STIM1: variants seen among roughly 807,000 people sequenced by gnomAD.
STIM1 encodes stromal interaction molecule 1.
A neutral mutation model predicts 74.7 loss-of-function variants in STIM1; 25 were observed. That is an observed-to-expected ratio of 0.33 (90% CI 0.24 to 0.47). The LOEUF (loss-of-function observed/expected upper bound fraction) is 0.47, where lower values mean the gene tolerates loss of function less well. Ranked by LOEUF, STIM1 falls within the 20% of genes least tolerant of loss-of-function variation. The pLI, the probability that STIM1 is intolerant of heterozygous loss-of-function variation, is 1.00. For synonymous variants in STIM1, 328 were observed against 348.8 expected (o/e 0.94, Z 0.66); for missense variants, 728 against 920.8 (o/e 0.79, Z 2.71).
intron 2 of STIM1, chr11:3,989,128 G>C: frequency 7.1e-7 from 1 of 1,403,752 alleles, no homozygotes; most frequent in Non-Finnish European, 9.9e-7. Flanking sequence ...AGGGAGACAG[G>C]GACCACTGAT....
intron 7 of STIM1, among the ~76,000 whole-genome samples, chr11:4,081,908 C>T (rs947769969): frequency 3.3e-5 from 5 of 152,170 alleles, no homozygotes; most frequent in Non-Finnish European, 7.3e-5. Context: ...TGCTGCATGA[C>T]CAGGAAAGTA....
chr11:4,038,052 T>G (rs1236404348), intron 3 of STIM1, among the ~76,000 whole-genome samples: 1 of 151,836 alleles, frequency 6.6e-6, no homozygotes, highest in Non-Finnish European at 1.5e-5. Context: ...TTTTTTTTTT[T>G]GAGACAGAGT....
chr11:4,035,979 T>G (rs2094097573), intron 3 of STIM1, among the ~76,000 whole-genome samples: 1 of 152,032 alleles, frequency 6.6e-6, no homozygotes, highest in Non-Finnish European at 1.5e-5. Context: ...TGTTTAGCCC[T>G]GCAGCCATTA....
At chr11:4,088,794 G>C (rs754912219) in intron 12 of STIM1, 2 of 1,507,856 alleles carry the variant, frequency 1.3e-6, no homozygotes, top group Non-Finnish European at 1.8e-6. Context: ...AGGGACCTCT[G>C]GCCTGATTGT....
intron 1 of STIM1, among the ~76,000 whole-genome samples, chr11:3,943,667 C>T (rs1310115588): frequency 4.6e-5 from 7 of 152,046 alleles, no homozygotes; most frequent in East Asian, 1.9e-4. Flanking sequence ...GTTGGGAGGC[C>T]GAGGTGGGAG....
At chr11:3,857,935 GTCTC>G (rs1248346711) in intron 1 of STIM1, among the ~76,000 whole-genome samples, 2 of 152,142 alleles carry the variant, frequency 1.3e-5, no homozygotes, top group Non-Finnish European at 2.9e-5. Context: ...TATTAATCCT[GTCTC>G]TCCATAGAGA....
chr11:3,968,687 T>C (rs1211916366), intron 2 of STIM1, among the ~76,000 whole-genome samples: 1 of 152,210 alleles, frequency 6.6e-6, no homozygotes, highest in Non-Finnish European at 1.5e-5. Flanking sequence ...ACTTAAAGTC[T>C]AGTGAAGAGA....
Position 3,978,218 on chromosome 11 carries a change from G to A in STIM1, c.270+10536G>A, listed in dbSNP as rs966687896. Among the ~76,000 whole-genome samples the A allele has an allele frequency of 5.3e-5, 8 of 149,622 alleles. No homozygotes were observed. The South Asian group carries it at 6.4e-4, about 12-fold the overall frequency. The stretch of plus-strand genomic sequence containing the variant: ...GGCTGGAGTGCAATGGCACTATCTC[G>A]GCTTACCGCAACCTCCGCCTCCCAG... On this transcript the variant is annotated intron_variant, in intron 2 of 12. Coordinates refer to ENST00000526596, the MANE Select transcript of STIM1 (RefSeq NM_001382567.1).
chr11:3,956,809 C>T, intron 1 of STIM1, among the ~76,000 whole-genome samples: 1 of 104,766 alleles, frequency 9.5e-6, no homozygotes, highest in Non-Finnish European at 1.8e-5. Context: ...GGTGACAGAG[C>T]AAGACCCTGT....
intron 2 of STIM1, among the ~76,000 whole-genome samples, chr11:4,019,987 G>T: frequency 6.6e-6 from 1 of 152,098 alleles, no homozygotes; most frequent in Admixed American, 6.5e-5. Flanking sequence ...ACTATCCTAC[G>T]TTCTACTTCT....
chr11:3,932,023 G>T (rs928982498), intron 1 of STIM1, among the ~76,000 whole-genome samples: 2 of 152,218 alleles, frequency 1.3e-5, no homozygotes, highest in Middle Eastern at 3.4e-3. Flanking sequence ...CGATTTTCCT[G>T]CCCGGCCTGT....
intron 1 of STIM1, among the ~76,000 whole-genome samples, chr11:3,893,174 G>A (rs892102432): frequency 6.6e-6 from 1 of 152,234 alleles, no homozygotes; most frequent in South Asian, 2.1e-4. Flanking sequence ...GAATATTTGG[G>A]ATCCATGAAA....
chr11:3,998,838 G>T lies in STIM1; in HGVS notation c.271-25035G>T, dbSNP rs183318346. On this transcript the variant is annotated intron_variant, in intron 2 of 12. Transcript: ENST00000526596. ...ATGGAGCACCTTGTGCAAAATCTTG[G>T]GGGTATAAAAGATCATGGTTTGGTC... Among the ~76,000 whole-genome samples, 243 of 152,238 alleles carry T rather than the reference G, an allele frequency of 1.6e-3. 2 individuals carry two copies. In the Middle Eastern group the frequency reaches 0.02, roughly 13 times the overall value.
chr11:4,051,388 G>C (rs2094239936), intron 3 of STIM1, among the ~76,000 whole-genome samples: 3 of 151,174 alleles, frequency 2.0e-5, no homozygotes, highest in Admixed American at 2.0e-4. Flanking sequence ...TGTCACTCAG[G>C]CTGGAGTGCA....
chr11:4,041,864 G>C (rs1308182608), intron 3 of STIM1, among the ~76,000 whole-genome samples: 1 of 152,170 alleles, frequency 6.6e-6, no homozygotes, highest in African/African-American at 2.4e-5. Flanking sequence ...TAGGATTATA[G>C]GTGTGAGCCA....
intron 3 of STIM1, among the ~76,000 whole-genome samples, chr11:4,047,374 G>T (rs1174484404): frequency 1.3e-5 from 2 of 152,122 alleles, no homozygotes; most frequent in South Asian, 4.1e-4. Context: ...CCAGCACTTT[G>T]TGAGGCCAAG....
chr11:3,913,086 CT>C (rs896631758), intron 1 of STIM1, among the ~76,000 whole-genome samples: 8 of 152,144 alleles, frequency 5.3e-5, no homozygotes, highest in African/African-American at 1.9e-4. Context: ...GAGAAATAAA[CT>C]TTTTGTTTAA....
intron 1 of STIM1, among the ~76,000 whole-genome samples, chr11:3,931,279 A>T (rs2092856574): frequency 6.6e-6 from 1 of 152,212 alleles, no homozygotes; most frequent in African/African-American, 2.4e-5. Context: ...GGCAATAAGG[A>T]TAAAGCCATG....
chr11:3,880,165 G>A (rs2091449280), intron 1 of STIM1, among the ~76,000 whole-genome samples: 1 of 152,166 alleles, frequency 6.6e-6, no homozygotes, highest in Non-Finnish European at 1.5e-5. Context: ...ATCTCTCTGA[G>A]CCTTAGGGCC....
Sources: allele counts gnomAD v4.1 joint callset (sites outside exome capture counted in the v4.1 genomes callset), GRCh38; gene constraint gnomAD v4.1.1; transcripts MANE v1.5; gene names NCBI Gene and HGNC (gene_info 2026-07-23, HGNC 2026-07-21).